PHF24: variants seen among roughly 807,000 people sequenced by gnomAD.
PHF24 encodes Galpha inhibitory interacting protein.
PHF24 carries 25 observed loss-of-function variants against 42.6 expected under a neutral mutation model. The ratio of observed to expected loss-of-function variants is 0.59; its 90% confidence interval spans 0.43 to 0.82. The LOEUF (loss-of-function observed/expected upper bound fraction) is 0.82, where lower values mean the gene tolerates loss of function less well. Among genes scored for constraint, PHF24 ranks in the 40% least tolerant of loss-of-function variants. The pLI is 0.00. For synonymous variants in PHF24, 185 were observed against 204.8 expected, an observed-to-expected ratio of 0.90 and a Z score of 0.83; for missense variants, 470 against 538.1, an observed-to-expected ratio of 0.87 and a Z score of 1.25.
chr9:34,684,294 C>T, the PHF24 span, among the ~76,000 whole-genome samples: 9 of 152,250 alleles, frequency 5.9e-5, no homozygotes, highest in African/African-American at 2.2e-4. Context: ...TCACTTTAGA[C>T]GTGAGGGGTT....
chr9:34,821,108 T>TA, the PHF24 span, among the ~76,000 whole-genome samples: 22 of 151,730 alleles, frequency 1.4e-4, no homozygotes, highest in African/African-American at 5.3e-4. Context: ...GGGTCTTACT[T>TA]AAAAAAAAAT....
At chr9:34,878,420 G>T in the PHF24 span, among the ~76,000 whole-genome samples, 1 of 152,210 alleles carries the variant, frequency 6.6e-6, no homozygotes, top group Non-Finnish European at 1.5e-5. Context: ...GCGGGGCATT[G>T]CCTCACCTGG....
At chr9:34,916,497 A>G in the PHF24 span, among the ~76,000 whole-genome samples, 1 of 152,254 alleles carries the variant, frequency 6.6e-6, no homozygotes, top group Admixed American at 6.5e-5. Flanking sequence ...AGTGAAGACA[A>G]TCATCTTATA....
exon 8 of PHF24, chr9:34,978,719 A>T (rs1282761318): frequency 1.3e-5 from 2 of 152,206 alleles, no homozygotes; most frequent in Non-Finnish European, 2.9e-5. Flanking sequence ...TTGGGAAAAG[A>T]GTTAAACATC....
At chr9:34,774,027 T>G in the PHF24 span, among the ~76,000 whole-genome samples, 1 of 152,336 alleles carries the variant, frequency 6.6e-6, no homozygotes, top group African/African-American at 2.4e-5. Flanking sequence ...TAATGTAAGA[T>G]GTCATCAACA....
chr9:34,836,655 T>C, the PHF24 span, among the ~76,000 whole-genome samples: 2 of 152,146 alleles, frequency 1.3e-5, no homozygotes, highest in Admixed American at 6.5e-5. Context: ...AATACAGAAC[T>C]AAAGGAAGTA....
the PHF24 span, among the ~76,000 whole-genome samples, chr9:34,793,241 CCTACA>C: frequency 6.6e-6 from 1 of 152,014 alleles, no homozygotes; most frequent in Non-Finnish European, 1.5e-5. Context: ...CCAAGCAACC[CCTACA>C]CTCTTCCAAG....
At chr9:34,887,995 T>G in the PHF24 span, among the ~76,000 whole-genome samples, 18 of 151,818 alleles carry the variant, frequency 1.2e-4, no homozygotes, top group African/African-American at 4.1e-4. Flanking sequence ...TTTACTGTGT[T>G]TTTTTTTTAA....
At chr9:34,918,408 T>A in the PHF24 span, 1,080 of 391,440 alleles carry the variant, frequency 2.8e-3, no homozygotes, top group East Asian at 3.7e-3. Flanking sequence ...CCAAGGTCTT[T>A]AAAAAAAAAA....
the PHF24 span, among the ~76,000 whole-genome samples, chr9:34,720,508 G>T: frequency 6.6e-6 from 1 of 151,416 alleles, no homozygotes; most frequent in Non-Finnish European, 1.5e-5. Flanking sequence ...AGCACTTCCT[G>T]CCCTTTTTCC....
the PHF24 span, among the ~76,000 whole-genome samples, chr9:34,863,765 T>C: frequency 1.3e-5 from 2 of 152,102 alleles, no homozygotes; most frequent in Non-Finnish European, 2.9e-5. Flanking sequence ...ATCAAGGCCA[T>C]CCAGGACAAC....
the PHF24 span, among the ~76,000 whole-genome samples, chr9:34,952,344 A>G: frequency 6.6e-6 from 1 of 152,222 alleles, no homozygotes; most frequent in Non-Finnish European, 1.5e-5. Flanking sequence ...ACAGAAAACT[A>G]TAAAACACCA....
the PHF24 span, among the ~76,000 whole-genome samples, chr9:34,728,419 C>T: frequency 6.6e-6 from 1 of 152,128 alleles, no homozygotes; most frequent in South Asian, 2.1e-4. Context: ...TCTTCATTTC[C>T]AGGGCATTGA....
the PHF24 span, among the ~76,000 whole-genome samples, chr9:34,941,493 A>T: frequency 0.58 from 87,725 of 152,034 alleles, 26,405 homozygotes; most frequent in East Asian, 0.83. Flanking sequence ...AGACAAACCC[A>T]TACCCAGAAT....
the PHF24 span, among the ~76,000 whole-genome samples, chr9:34,926,410 G>C: frequency 4.3e-3 from 651 of 152,044 alleles, 5 homozygotes; most frequent in African/African-American, 0.015. The surrounding 1 kb of genome is among the most constrained non-coding windows in gnomAD (Gnocchi z 4.3). Flanking sequence ...CCTGGTATAT[G>C]GGTGCATAGC....
At chr9:34,901,363 C>G in the PHF24 span, among the ~76,000 whole-genome samples, 1 of 152,138 alleles carries the variant, frequency 6.6e-6, no homozygotes, top group East Asian at 1.9e-4. Context: ...AAATCAAATT[C>G]AGCAACATAT....
At chr9:34,738,891 A>C in the PHF24 span, among the ~76,000 whole-genome samples, 2 of 152,180 alleles carry the variant, frequency 1.3e-5, no homozygotes, top group Admixed American at 1.3e-4. Flanking sequence ...CAGAGGTTAA[A>C]ACATCAGTAT....
chr9:34,788,441 C>T, the PHF24 span, among the ~76,000 whole-genome samples: 1 of 152,092 alleles, frequency 6.6e-6, no homozygotes, highest in East Asian at 1.9e-4. Flanking sequence ...AATAGAACTC[C>T]CTGTACTCTC....
Position 34,976,516 on chromosome 9 carries a change from C to A in PHF24, c.644-19C>A. ...GCTGAGGAAGGATGGGCATGGCTAG[C>A]ACGGGGTGCCTCCCACAGATTGCTC... On this transcript the variant is annotated intron_variant, in intron 4 of 7. Transcript: ENST00000242315. 1 of 1,603,994 alleles carries A rather than the reference C, an allele frequency of 6.2e-7. No individual in the cohort carries two copies. Among genetic ancestry groups the A allele is most frequent in the Non-Finnish European group, 8.5e-7 (1 of 1,173,340 alleles).
Sources: gnomAD v4.1 joint callset for allele counts (sites outside exome capture counted in the v4.1 genomes callset) on GRCh38, gnomAD v4.1.1 for gene constraint, Gnocchi (gnomAD v3.1) non-coding constraint, MANE v1.5 for transcripts, NCBI Gene and HGNC (gene_info 2026-07-23, HGNC 2026-07-21) for gene names.